The following PCDHGA1 variants were observed in gnomAD, a reference collection of about 807,000 sequenced individuals.
PCDHGA1 encodes protocadherin gamma-A1.
PCDHGA1 carries 32 observed loss-of-function variants against 58.0 expected under a neutral mutation model. That is an observed-to-expected ratio of 0.55 (90% CI 0.42 to 0.74). The LOEUF is 0.74. PCDHGA1 is among the 30% of genes least tolerant of loss of function. The pLI is 0.00. For missense variants in PCDHGA1, 1,205 were observed against 1,182.3 expected (o/e 1.02, Z -0.28); for synonymous variants, 498 against 501.1 (o/e 0.99, Z 0.08).
Position 141,491,048 on chromosome 5 carries a change from C to T in PCDHGA1, c.2422-3759C>T, listed in dbSNP as rs755163825. The T allele has an allele frequency of 7.4e-6, 12 of 1,613,948 alleles. No individual in the cohort carries two copies. Among genetic ancestry groups the T allele is most frequent in the South Asian group, 4.4e-5 (4 of 91,090 alleles). ...GTGGATGCTGATGCAGGCCACAATG[C>T]GTGGCTCTCCTACTCACTGTTGCCA... On this transcript the variant is annotated intron_variant, in intron 1 of 3. Coordinates refer to ENST00000517417, the MANE Select transcript of PCDHGA1 (RefSeq NM_018912.3). The surrounding 1 kb of genome is among the most constrained non-coding windows in gnomAD (Gnocchi z 6.9).
chr5:141,398,105 G>A (rs778559832), intron 1 of PCDHGA1: 2 of 1,595,534 alleles, frequency 1.3e-6, no homozygotes, highest in East Asian at 4.5e-5. Context: ...AGGCTGGTGA[G>A]CAAGCTGAGG....
At chr5:141,418,265 G>A (rs2096242953) in intron 1 of PCDHGA1, 1 of 1,614,062 alleles carries the variant, frequency 6.2e-7, no homozygotes, top group East Asian at 2.2e-5. Context: ...ATTCCGGAAA[G>A]ATGAAATAAA....
At position 141,486,616 on chromosome 5, in the gene PCDHGA1, C is replaced by T. The variant is rs759167270; in HGVS notation, c.2422-8191C>T. On this transcript the variant is annotated intron_variant, in intron 1 of 3. Coordinates refer to ENST00000517417, the MANE Select transcript of PCDHGA1 (RefSeq NM_018912.3). The surrounding 1 kb of genome is among the most constrained non-coding windows in gnomAD (Gnocchi z 5.0). ...TGCTTTGCTCCCTTGCAGCCTCTGA[C>T]CCAGACTCTGGCTTGAATGCGCTTA... is the stretch of plus-strand genomic sequence containing the variant. 2 of 1,613,500 alleles carry T rather than the reference C, an allele frequency of 1.2e-6. No individual in the cohort carries two copies. The highest frequency in any genetic ancestry group is 3.3e-5 in the Admixed American group (2 of 60,004).
rs144898175 is a variant in PCDHGA1, at chr5:141,337,315, G to A, written c.2421+4210G>A. Among the ~76,000 whole-genome samples the A allele has an allele frequency of 3.8e-3, 574 of 152,224 alleles. 4 individuals carry two copies. Among genetic ancestry groups the A allele is most frequent in the African/African-American group, 0.013 (557 of 41,528 alleles). Reference sequence around the variant, plus strand: ...AAAATAGGGACTTCAACAGATATTTGTACACCTATGTTTATGGCATCATTA... The same window carrying A: ...AAAATAGGGACTTCAACAGATATTTATACACCTATGTTTATGGCATCATTA... On this transcript the variant is annotated intron_variant, in intron 1 of 3. Coordinates refer to ENST00000517417, the MANE Select transcript of PCDHGA1 (RefSeq NM_018912.3).
chr5:141,449,300 T>C (rs2098635283), intron 1 of PCDHGA1, among the ~76,000 whole-genome samples: 1 of 152,090 alleles, frequency 6.6e-6, no homozygotes, highest in Non-Finnish European at 1.5e-5. Flanking sequence ...GGGTGAATTA[T>C]ATGTATTATA....
chr5:141,409,831 C>T (rs1015263434), intron 1 of PCDHGA1: 2 of 1,611,128 alleles, frequency 1.2e-6, no homozygotes, highest in Non-Finnish European at 1.7e-6. Flanking sequence ...CCACGCTCAG[C>T]GCCAACGTGA....
rs1756343864 is a variant in PCDHGA1, at chr5:141,331,160, A to G, written c.476A>G (p.Asp159Gly). The change falls in exon 1 of 4, where the codon GAC becomes GGC. Residue 159 changes from aspartate to glycine, a missense_variant. Coordinates refer to ENST00000517417, the MANE Select transcript of PCDHGA1 (RefSeq NM_018912.3). Reference sequence around the variant, plus strand: ...AGAGTCTCATTGCCTTTTGGGCAAGACCTTGATGTGGGTATGAACTCACTC... The same window carrying G: ...AGAGTCTCATTGCCTTTTGGGCAAGGCCTTGATGTGGGTATGAACTCACTC... The part of the protein sequence containing the change: ...GTRVSLPFGQ[D>G]LDVGMNSLQS... 1 of 1,614,206 alleles carries G rather than the reference A, an allele frequency of 6.2e-7. No homozygotes were observed. Among genetic ancestry groups the G allele is most frequent in the African/African-American group, 1.3e-5 (1 of 75,068 alleles).
intron 1 of PCDHGA1, among the ~76,000 whole-genome samples, chr5:141,459,646 T>C (rs2098972004): frequency 6.6e-6 from 1 of 152,266 alleles, no homozygotes; most frequent in Non-Finnish European, 1.5e-5. Context: ...TTTTTCAAAA[T>C]GGTAATATCA....
Position 141,486,971 on chromosome 5 carries a change from T to G in PCDHGA1, c.2422-7836T>G. ...AAAGGTGACTGCTGTGGACTTGGAT[T>G]CAGGTTACAATGCTTGGGTTTCCTA... On this transcript the variant is annotated intron_variant, in intron 1 of 3. Transcript: ENST00000517417. The surrounding 1 kb of genome is among the most constrained non-coding windows in gnomAD (Gnocchi z 5.0). The G allele has an allele frequency of 6.2e-7, 1 of 1,614,220 alleles. No homozygotes were observed. The highest frequency in any genetic ancestry group is 8.5e-7 in the Non-Finnish European group (1 of 1,180,042).
At chr5:141,394,471 T>C (rs2093007845) in intron 1 of PCDHGA1, 3 of 1,614,250 alleles carry the variant, frequency 1.9e-6, no homozygotes, top group Non-Finnish European at 2.5e-6. Flanking sequence ...CTGTTCGTGC[T>C]GGACCAGAAT....
chr5:141,340,994 C>T (rs746117073), intron 1 of PCDHGA1: 7 of 1,614,118 alleles, frequency 4.3e-6, no homozygotes, highest in Middle Eastern at 1.7e-4. Context: ...CCTGGCCGAC[C>T]TGGGCAGCCT....
In PCDHGA1 at chr5:141,432,487, G is replaced by A; in HGVS notation, c.2422-62320G>A. On this transcript the variant is annotated intron_variant, in intron 1 of 3. Coordinates refer to ENST00000517417, the MANE Select transcript of PCDHGA1 (RefSeq NM_018912.3). This position sits in a 1 kb window ranked among gnomAD's most constrained non-coding sequence, Gnocchi z 6.0. ...CCACGGACGGTTCCACTGGCGTGGA[G>A]CTGGCTCCCCGCTCCGCAGAGCCCG... 1.2e-6 allele frequency: 2 copies of A among 1,614,208 alleles called. No homozygotes were observed. The highest frequency in any genetic ancestry group is 2.2e-5 in the East Asian group (1 of 44,874).
At chr5:141,407,534 A>T (rs72790039) in intron 1 of PCDHGA1, among the ~76,000 whole-genome samples, 1 of 149,478 alleles carries the variant, frequency 6.7e-6, no homozygotes, top group Non-Finnish European at 1.5e-5. Flanking sequence ...CTTATTGTGC[A>T]TTGGTAACAG....
intron 1 of PCDHGA1, chr5:141,352,010 G>A (rs1485029787): frequency 1.9e-6 from 3 of 1,610,096 alleles, no homozygotes; most frequent in African/African-American, 2.7e-5. Flanking sequence ...CGGCTACCTG[G>A]TGACCAAGGT....
chr5:141,393,573 A>G lies in PCDHGA1; in HGVS notation c.2421+60468A>G, dbSNP rs568065764. 1.2e-4 allele frequency: 190 copies of G among 1,613,964 alleles called. 1 individual carries two copies. In the South Asian group the frequency reaches 2.0e-3, roughly 17 times the overall value. ...GATTTACCGAGTGAAAGTCCTTGAGAACATGCCCCCAGGCACGCGGCTGCT... is the reference window on the plus strand; with the variant it reads ...GATTTACCGAGTGAAAGTCCTTGAGGACATGCCCCCAGGCACGCGGCTGCT... On this transcript the variant is annotated intron_variant, in intron 1 of 3. Coordinates refer to ENST00000517417, the MANE Select transcript of PCDHGA1 (RefSeq NM_018912.3).
At chr5:141,365,453 G>A (rs1370392916) in intron 1 of PCDHGA1, 1 of 1,613,902 alleles carries the variant, frequency 6.2e-7, no homozygotes, top group Non-Finnish European at 8.5e-7. Context: ...ACATGATGGT[G>A]ATTCTGGAGA....
At chr5:141,446,079 A>T (rs2098487021) in intron 1 of PCDHGA1, among the ~76,000 whole-genome samples, 1 of 152,234 alleles carries the variant, frequency 6.6e-6, no homozygotes, top group Non-Finnish European at 1.5e-5. Context: ...CAGTGGATGT[A>T]GAAATAAATG....
intron 1 of PCDHGA1, among the ~76,000 whole-genome samples, chr5:141,436,122 C>T (rs909678739): frequency 4.6e-5 from 7 of 152,128 alleles, no homozygotes; most frequent in African/African-American, 7.2e-5. Flanking sequence ...AACCTCTCTC[C>T]TCCATCATCT....
intron 1 of PCDHGA1, chr5:141,340,440 C>A: frequency 6.2e-7 from 1 of 1,614,250 alleles, no homozygotes; most frequent in Non-Finnish European, 8.5e-7. Flanking sequence ...GTAACTTACT[C>A]TTTCGCGGAG....
Sources: allele counts gnomAD v4.1 joint callset (sites outside exome capture counted in the v4.1 genomes callset), GRCh38; gene constraint gnomAD v4.1.1; non-coding constraint Gnocchi (gnomAD v3.1); transcripts MANE v1.5; gene names NCBI Gene and HGNC (gene_info 2026-07-23, HGNC 2026-07-21).